The following CCDC171 variants were observed in gnomAD, a reference collection of about 807,000 sequenced individuals.
CCDC171 encodes coiled-coil domain containing 171.
Under a neutral mutation model 168.2 loss-of-function variants are expected in CCDC171, and 177 were observed. The observed-to-expected ratio is 1.05, with a 90% CI of 0.93 to 1.19. The LOEUF (loss-of-function observed/expected upper bound fraction) is 1.19, where lower values mean the gene tolerates loss of function less well. CCDC171 is among the 50% of genes most tolerant of loss of function. The pLI, the probability that CCDC171 is intolerant of heterozygous loss-of-function variation, is 0.00. For missense variants in CCDC171, 1,991 were observed against 1,539.0 expected (o/e 1.29, Z -4.91); for synonymous variants, 687 against 540.8 (o/e 1.27, Z -3.75).
At chr9:16,072,810 G>A in the CCDC171 span, among the ~76,000 whole-genome samples, 83 of 152,292 alleles carry the variant, frequency 5.5e-4, no homozygotes, top group African/African-American at 1.8e-3. Context: ...TCTTCCCTGA[G>A]ATACCCTAGC....
intron 1 of CCDC171, 175 bp downstream of exon 1, chr9:15,553,477 TG>T (rs1349337361): frequency 6.6e-6 from 1 of 152,300 alleles, no homozygotes; most frequent in African/African-American, 2.4e-5. Flanking sequence ...AAGATCTCCG[TG>T]GAGCATCCTA....
At chr9:15,642,926 T>C (rs993988442) in intron 7 of CCDC171, among the ~76,000 whole-genome samples, 1 of 152,166 alleles carries the variant, frequency 6.6e-6, no homozygotes, top group Non-Finnish European at 1.5e-5. Context: ...CATTATAGAA[T>C]CACTGAATAT....
intron 18 of CCDC171, among the ~76,000 whole-genome samples, chr9:15,759,347 C>T (rs2056319802): frequency 6.6e-6 from 1 of 152,090 alleles, no homozygotes; most frequent in South Asian, 2.1e-4. Context: ...ATTTCAAAGA[C>T]TGCATATTTT....
At position 15,793,551 on chromosome 9, in the gene CCDC171, G is replaced by GTTTTTTTTTTTTTT. The variant is rs3082839; in HGVS notation, c.3267+8873_3267+8886dup. On this transcript the variant is annotated intron_variant, in intron 21 of 25. Coordinates refer to ENST00000380701, the MANE Select transcript of CCDC171 (RefSeq NM_173550.4). ...AGCACCACATCGCACTTATTCCAAG[G>GTTTTTTTTTTTTTT]TTTTTTTTTTTTTTTTTTTTTTTTT... Among the ~76,000 whole-genome samples, 24 of 77,060 alleles carry GTTTTTTTTTTTTTT rather than the reference G, an allele frequency of 3.1e-4. 3 individuals are homozygous for GTTTTTTTTTTTTTT. Among genetic ancestry groups the GTTTTTTTTTTTTTT allele is most frequent in the African/African-American group, 1.5e-3 (23 of 15,542 alleles). The allele number at this position is 77,060 out of a possible 152,430, so 50.6% of individuals were successfully genotyped here. A position where few individuals can be genotyped will look rare whatever the true frequency, so the allele number is the denominator to read the frequency against.
At chr9:15,726,400 C>T (rs918991854) in intron 14 of CCDC171, among the ~76,000 whole-genome samples, 6 of 152,126 alleles carry the variant, frequency 3.9e-5, no homozygotes, top group African/African-American at 1.4e-4. Flanking sequence ...TGAGGATGAA[C>T]TTCCTTGAGA....
chr9:16,044,306 C>T (rs534359410), intron 1 of CCDC171, among the ~76,000 whole-genome samples: 2 of 152,104 alleles, frequency 1.3e-5, no homozygotes, highest in Non-Finnish European at 2.9e-5. Context: ...AAACAATGTC[C>T]CTCCCTAGCC....
At position 15,988,230 on chromosome 9, in the gene CCDC171, A is replaced by G. The variant is rs899331591; in HGVS notation, n.369-32359A>G. Among the ~76,000 whole-genome samples the G allele has an allele frequency of 2.0e-5, 3 of 152,146 alleles. No homozygotes were observed. The East Asian group carries it at 5.8e-4, about 29-fold the overall frequency. On this transcript the variant is annotated intron_variant and non_coding_transcript_variant, in intron 3 of 9. Transcript: ENST00000486641. ...GCTTTCAGTCACCACCTATGAAGCTATGATGCTGTGTTTTGATTAAAAGGC... is the reference window on the plus strand; with the variant it reads ...GCTTTCAGTCACCACCTATGAAGCTGTGATGCTGTGTTTTGATTAAAAGGC...
At chr9:16,094,429 G>C in the CCDC171 span, among the ~76,000 whole-genome samples, 1 of 152,118 alleles carries the variant, frequency 6.6e-6, no homozygotes, top group African/African-American at 2.4e-5. Flanking sequence ...AGGGGAAAAG[G>C]GTTTAAACTA....
intron 7 of CCDC171, among the ~76,000 whole-genome samples, chr9:15,636,749 C>CAA (rs35778640): frequency 3.9e-4 from 25 of 64,634 alleles, no homozygotes; most frequent in South Asian, 7.2e-4. Flanking sequence ...GACCCTGCCT[C>CAA]AAAAAAAAAA....
At chr9:15,957,751 G>A (rs949095842) in intron 25 of CCDC171, among the ~76,000 whole-genome samples, 2 of 152,168 alleles carry the variant, frequency 1.3e-5, no homozygotes, top group Non-Finnish European at 2.9e-5. Flanking sequence ...CTCTGATATA[G>A]AAAATCAAGC....
chr9:15,655,447 A>G (rs1476531991), intron 7 of CCDC171, among the ~76,000 whole-genome samples: 1 of 152,152 alleles, frequency 6.6e-6, no homozygotes, highest in Non-Finnish European at 1.5e-5. Flanking sequence ...GGGACTAGTA[A>G]TCCGCTACTT....
intron 4 of CCDC171, among the ~76,000 whole-genome samples, chr9:15,580,478 T>C (rs2041020796): frequency 6.6e-6 from 1 of 152,030 alleles, no homozygotes; most frequent in Non-Finnish European, 1.5e-5. Flanking sequence ...ATTCACAAAC[T>C]ATGCATCTGA....
chr9:15,923,422 C>G (rs1204970364), intron 25 of CCDC171, among the ~76,000 whole-genome samples: 1 of 151,296 alleles, frequency 6.6e-6, no homozygotes, highest in Admixed American at 6.6e-5. Flanking sequence ...AACACTGCAT[C>G]TCACTCATAT....
At chr9:15,564,441 A>G (rs1265484218) in intron 2 of CCDC171, among the ~76,000 whole-genome samples, 1 of 152,022 alleles carries the variant, frequency 6.6e-6, no homozygotes, top group African/African-American at 2.4e-5. Context: ...TTTTATTTAT[A>G]TTTCTGTTTT....
rs2055140594 is a variant in CCDC171, at chr9:15,744,650, G to A, written c.2427G>A (p.Leu809=). The change falls in exon 17 of 26, where the codon TTG becomes TTA. Residue 809 remains leucine (L), a synonymous_variant. Coordinates refer to ENST00000380701, the MANE Select transcript of CCDC171 (RefSeq NM_173550.4). The stretch of plus-strand genomic sequence containing the variant: ...TTCGGAAAGGTGTTATTGCTGTTTT[G>A]GCAGCAAACAGACTCAAGATTTTGG... ...RIFRKGVIAV[L]AANRLKILGQ... 6 of 1,614,150 alleles carry A rather than the reference G, an allele frequency of 3.7e-6. No individual in the cohort carries two copies. Among genetic ancestry groups the A allele is most frequent in the Non-Finnish European group, 5.1e-6 (6 of 1,180,016 alleles).
At chr9:15,906,617 C>G (rs1344189813) in intron 24 of CCDC171, among the ~76,000 whole-genome samples, 1 of 152,152 alleles carries the variant, frequency 6.6e-6, no homozygotes, top group African/African-American at 2.4e-5. Flanking sequence ...TGGCCCAAGA[C>G]AGGGATGCCC....
intron 18 of CCDC171, among the ~76,000 whole-genome samples, chr9:15,753,497 T>TA (rs1200794960): frequency 1.3e-5 from 2 of 152,170 alleles, no homozygotes; most frequent in African/African-American, 2.4e-5. Context: ...AGAGGTTTTA[T>TA]AAAACTAGGC....
At chr9:16,027,031 T>C (rs1328275) in intron 6 of CCDC171, among the ~76,000 whole-genome samples, 67,120 of 152,058 alleles carry the variant, frequency 0.44, 15,561 homozygotes, top group East Asian at 0.73. Context: ...ATCAGTTCTA[T>C]GCCTTGATAT....
In CCDC171 at chr9:15,627,835, T is replaced by C. The variant is rs185793262; in HGVS notation, c.822+4422T>C. On this transcript the variant is annotated intron_variant, in intron 7 of 25. Coordinates refer to ENST00000380701, the MANE Select transcript of CCDC171 (RefSeq NM_173550.4). Reference sequence around the variant, plus strand: ...GAGTACCGTAGATGTCTATTAGGTCTGCTTGGTGCAGAGCTGAGTTCAATT... The same window carrying C: ...GAGTACCGTAGATGTCTATTAGGTCCGCTTGGTGCAGAGCTGAGTTCAATT... Among the ~76,000 whole-genome samples, 25 of 152,342 alleles carry C rather than the reference T, an allele frequency of 1.6e-4. No homozygotes were observed. The East Asian group carries it at 3.5e-3, about 21-fold the overall frequency.
Sources: gnomAD v4.1 joint callset for allele counts (sites outside exome capture counted in the v4.1 genomes callset) on GRCh38, gnomAD v4.1.1 for gene constraint, MANE v1.5 for transcripts, NCBI Gene and HGNC (gene_info 2026-07-23, HGNC 2026-07-21) for gene names.